AK6: variants seen among roughly 807,000 people sequenced by gnomAD.
The protein encoded by AK6 is adenylate kinase isoenzyme 6.
Under a neutral mutation model 23.7 loss-of-function variants are expected in AK6, and 24 were observed. The observed-to-expected ratio is 1.01, with a 90% CI of 0.73 to 1.43. The LOEUF (loss-of-function observed/expected upper bound fraction) is 1.43. AK6 is among the 40% of genes most tolerant of loss of function. The pLI, the probability that AK6 is intolerant of heterozygous loss-of-function variation, is 0.00. For synonymous variants in AK6, 73 were observed against 69.8 expected, an observed-to-expected ratio of 1.05 and a Z score of -0.23; for missense variants, 191 against 199.1, an observed-to-expected ratio of 0.96 and a Z score of 0.24.
At chr5:69,369,075 G>A (rs1762690750) in intron 1 of AK6, 1 of 294,978 alleles carries the variant, frequency 3.4e-6, no homozygotes, top group Non-Finnish European at 6.2e-6. Context: ...TGACTCTACC[G>A]GGAAGCAGAT....
chr5:69,356,250 T>C (rs1762081161), intron 2 of AK6, among the ~76,000 whole-genome samples: 1 of 152,186 alleles, frequency 6.6e-6, no homozygotes, highest in Non-Finnish European at 1.5e-5. Flanking sequence ...TTTGTGGGGC[T>C]ACTAGAAGAG....
intron 2 of AK6, 58 bp from the exon 3 acceptor site, chr5:69,356,011 T>A: frequency 7.0e-7 from 1 of 1,419,204 alleles, no homozygotes; most frequent in Non-Finnish European, 9.7e-7. Flanking sequence ...TAAGTAATTT[T>A]CAATTAATTC....
At chr5:69,369,620 G>A, upstream of AK6, 2 of 1,572,470 alleles carry the variant, frequency 1.3e-6, no homozygotes, top group Middle Eastern at 3.3e-4. Context: ...GGCGCCCCTA[G>A]CCTGCCCCGG....
intron 2 of AK6, among the ~76,000 whole-genome samples, chr5:69,363,793 A>G (rs968678133): frequency 1.2e-4 from 18 of 152,076 alleles, no homozygotes; most frequent in Admixed American, 3.9e-4. Context: ...CAAAAGAAAA[A>G]AAAAAAAGGA....
rs138121137 is a variant in AK6 at position 69,365,124 on chromosome 5, G to A, written c.121+1379C>T. 8.1e-6 allele frequency: 13 copies of A among 1,614,110 alleles called. No homozygotes were observed. In the African/African-American group the frequency reaches 1.2e-4, roughly 15 times the overall value. On this transcript the variant is annotated intron_variant, in intron 2 of 4. Transcript: ENST00000380822. ...CAGAACATTCTGAACTGCTGAGGTT[G>A]CAGGAATTGAAGCTTTTACAGCTGG...
Position 69,362,525 on chromosome 5 carries a change from C to T in AK6, c.121+3978G>A, listed in dbSNP as rs563013637. Among the ~76,000 whole-genome samples, 7 of 152,296 alleles carry T rather than the reference C, an allele frequency of 4.6e-5. No individual in the cohort carries two copies. In the East Asian group the frequency reaches 9.6e-4, roughly 21 times the overall value. On this transcript the variant is annotated intron_variant, in intron 2 of 4. Coordinates refer to ENST00000380822, the MANE Select transcript of AK6 (RefSeq NM_016283.5). ...TCATCAGGCTGGGCACAATGGCTAACACCGGTAATCCCAGCACTTTTGAGA... is the reference window on the plus strand; with the variant it reads ...TCATCAGGCTGGGCACAATGGCTAATACCGGTAATCCCAGCACTTTTGAGA...
In AK6 at chr5:69,354,994, A is replaced by AT. The variant is rs200110539; in HGVS notation, c.326+654dup. Among the ~76,000 whole-genome samples, 1,018 of 151,540 alleles carry AT rather than the reference A, an allele frequency of 6.7e-3. 10 individuals are homozygous for AT. Among genetic ancestry groups the AT allele is most frequent in the African/African-American group, 0.024 (979 of 41,312 alleles). Reference sequence around the variant, plus strand: ...AGGTGCCTGCCACCATGCCCGGCTAATTTTTTTTGCATTTTTAGTAGTGAC... The same window carrying AT: ...AGGTGCCTGCCACCATGCCCGGCTAATTTTTTTTTGCATTTTTAGTAGTGAC... On this transcript the variant is annotated intron_variant, in intron 4 of 4. Coordinates refer to ENST00000380822, the MANE Select transcript of AK6 (RefSeq NM_016283.5).
rs755076693 is a variant in AK6, at chr5:69,355,704, T to C, written c.271A>G (p.Ile91Val). Residue 91 changes from isoleucine (I) to valine (V), a missense_variant, in exon 4 of 5, where the codon ATA becomes GTA. Ile to Val is a conservative substitution (Grantham distance 29). Transcript: ENST00000380822. ...GTATCTGTTCTCAGCACAAAAACTA[T>C]ATGAAACCAGCGTTCAGGGAAGAAA... ...CDFFPERWFH[I>V]VFVLRTDTNV... The C allele has an allele frequency of 4.3e-6, 7 of 1,613,862 alleles. No homozygotes were observed. The South Asian group carries it at 5.5e-5, about 13-fold the overall frequency.
At chr5:69,359,403 C>G (rs1352757639) in intron 2 of AK6, among the ~76,000 whole-genome samples, 1 of 152,076 alleles carries the variant, frequency 6.6e-6, no homozygotes, top group Non-Finnish European at 1.5e-5. Flanking sequence ...CGCCACCATG[C>G]CTGGCTAATT....
At chr5:69,363,769 G>C (rs916352013) in intron 2 of AK6, among the ~76,000 whole-genome samples, 2 of 151,008 alleles carry the variant, frequency 1.3e-5, no homozygotes, top group African/African-American at 4.9e-5. Context: ...GGGCGACAGA[G>C]GGAGACTCCG....
At chr5:69,364,546 G>A (rs1394553266) in intron 2 of AK6, among the ~76,000 whole-genome samples, 1 of 152,154 alleles carries the variant, frequency 6.6e-6, no homozygotes, top group Non-Finnish European at 1.5e-5. Flanking sequence ...AGCAATCTGA[G>A]AGAACAGATC....
Position 69,352,068 on chromosome 5 carries a change from T to TTA in AK6, c.510_511dup (p.Asn171IlefsTer6). The TTA allele has an allele frequency of 6.2e-7, 1 of 1,608,014 alleles. No homozygotes were observed. The highest frequency in any genetic ancestry group is 1.7e-4 in the Middle Eastern group (1 of 6,038). ...AGTAGCTAGCCTTATAAGTCAAGAG[T>TTA]TATGATCTTTGATCCACTGCTCAAT... On this transcript the variant is annotated frameshift_variant, in exon 5 of 5. Coordinates refer to ENST00000380822, the MANE Select transcript of AK6 (RefSeq NM_016283.5). LOFTEE classifies it high-confidence loss of function.
At chr5:69,366,434 G>T in intron 2 of AK6, 69 bp downstream of exon 2, 1 of 1,199,556 alleles carries the variant, frequency 8.3e-7, no homozygotes, top group Non-Finnish European at 1.2e-6. Context: ...ACAATACCCA[G>T]CACTAACACT....
At chr5:69,361,824 T>C (rs1186110005) in intron 2 of AK6, among the ~76,000 whole-genome samples, 1 of 151,952 alleles carries the variant, frequency 6.6e-6, no homozygotes, top group African/African-American at 2.4e-5. Flanking sequence ...CAGGCTGGTC[T>C]TGAACTCCTG....
At chr5:69,356,028 T>C (rs1762076475) in intron 2 of AK6, 75 bp from the exon 3 acceptor site, 1 of 1,269,158 alleles carries the variant, frequency 7.9e-7, no homozygotes, top group Non-Finnish European at 1.1e-6. Flanking sequence ...ATTCTAGACT[T>C]CAGGAAAGGA....
intron 1 of AK6, chr5:69,366,910 C>G (rs541051286): frequency 1.9e-5 from 5 of 266,256 alleles, no homozygotes; most frequent in South Asian, 5.7e-5. Flanking sequence ...AGGTGCCCAC[C>G]ACCATACCCA....
Position 69,369,450 on chromosome 5 carries a change from C to A in AK6, c.28+13G>T. The A allele has an allele frequency of 1.2e-6, 2 of 1,610,332 alleles. No individual in the cohort carries two copies. The highest frequency in any genetic ancestry group is 1.7e-6 in the Non-Finnish European group (2 of 1,179,074). On this transcript the variant is annotated intron_variant, in intron 1 of 4. Coordinates refer to ENST00000380822, the MANE Select transcript of AK6 (RefSeq NM_016283.5). ...CTGCCCCAGCCCAGTCCCTCCCGGCCGCGCGCCCTGACCGGTGAGCAGGAT... is the reference window on the plus strand; with the variant it reads ...CTGCCCCAGCCCAGTCCCTCCCGGCAGCGCGCCCTGACCGGTGAGCAGGAT...
At chr5:69,365,043 G>A in intron 2 of AK6, 1 of 1,614,046 alleles carries the variant, frequency 6.2e-7, no homozygotes, top group Non-Finnish European at 8.5e-7. Flanking sequence ...ATTTTGTGAT[G>A]ACATCATATT....
intron 2 of AK6, among the ~76,000 whole-genome samples, chr5:69,361,403 G>A (rs1403917251): frequency 1.3e-5 from 2 of 151,628 alleles, no homozygotes; most frequent in Non-Finnish European, 2.9e-5. Flanking sequence ...TTACAGGCGT[G>A]AGCCACCGCG....
Sources: gnomAD v4.1 joint callset for allele counts (sites outside exome capture counted in the v4.1 genomes callset) on GRCh38, gnomAD v4.1.1 for gene constraint, MANE v1.5 for transcripts, NCBI Gene and HGNC (gene_info 2026-07-23, HGNC 2026-07-21) for gene names.